ELMO1: variants seen among roughly 807,000 people sequenced by gnomAD.
ELMO1 encodes engulfment and cell motility protein 1.
A neutral mutation model predicts 98.9 loss-of-function variants in ELMO1; 26 were observed. The observed-to-expected ratio is 0.26, with a 90% CI of 0.19 to 0.36. ELMO1 has a LOEUF of 0.36. Among genes scored for constraint, ELMO1 ranks in the 10% least tolerant of loss-of-function variants. ELMO1 has a pLI of 1.00. For missense variants in ELMO1, 627 were observed against 935.2 expected, an observed-to-expected ratio of 0.67 and a Z score of 4.30; for synonymous variants, 346 against 346.0, an observed-to-expected ratio of 1.00 and a Z score of 0.00.
chr7:37,134,805 TCAGAAA>T (rs1483244848), intron 13 of ELMO1, among the ~76,000 whole-genome samples: 3 of 152,172 alleles, frequency 2.0e-5, no homozygotes, highest in Non-Finnish European at 4.4e-5. Context: ...GTGACATAAC[TCAGAAA>T]CAGAAAGTCA....
intron 4 of ELMO1, among the ~76,000 whole-genome samples, chr7:37,281,024 T>TAC (rs200401961): frequency 0.01 from 1,532 of 150,100 alleles, 33 homozygotes; most frequent in African/African-American, 0.036. Flanking sequence ...TATATATATA[T>TAC]ACACACACAT....
intron 16 of ELMO1, among the ~76,000 whole-genome samples, chr7:36,929,400 C>T (rs117960079): frequency 0.046 from 7,076 of 152,262 alleles, 260 homozygotes; most frequent in South Asian, 0.13. Context: ...TTGGTAAATA[C>T]ACATCAAGGC....
At chr7:37,439,947 C>T (rs573113027) in intron 1 of ELMO1, among the ~76,000 whole-genome samples, 39 of 152,192 alleles carry the variant, frequency 2.6e-4, no homozygotes, top group African/African-American at 8.7e-4. Context: ...TGTTTCTTTG[C>T]TTCTAAAGGC....
At position 37,278,182 on chromosome 7, in the gene ELMO1, G is replaced by A. The variant is rs551615139; in HGVS notation, c.193-6300C>T. ...GGTACTGGGTGGCCCTTTTTGATGT[G>A]TTAACTTCACTAGGCTACAGTTTCC... is the stretch of plus-strand genomic sequence containing the variant. On this transcript the variant is annotated intron_variant, in intron 4 of 21. Transcript: ENST00000310758. Among the ~76,000 whole-genome samples, 16 of 117,506 alleles carry A rather than the reference G, an allele frequency of 1.4e-4. No individual in the cohort carries two copies. In the Middle Eastern group the frequency reaches 0.019, roughly 139 times the overall value. 77.1% of individuals were successfully genotyped at this position (117,506 alleles called of 152,430 possible). A position where few individuals can be genotyped will look rare whatever the true frequency, so the allele number is the denominator to read the frequency against.
At chr7:37,364,541 T>C (rs1801822477) in intron 1 of ELMO1, among the ~76,000 whole-genome samples, 1 of 152,064 alleles carries the variant, frequency 6.6e-6, no homozygotes, top group Non-Finnish European at 1.5e-5. Flanking sequence ...AAATAACTTG[T>C]AGGTTCTAGA....
At chr7:37,348,939 C>A (rs911520372) in intron 1 of ELMO1, among the ~76,000 whole-genome samples, 2 of 152,162 alleles carry the variant, frequency 1.3e-5, no homozygotes, top group Non-Finnish European at 2.9e-5. Context: ...TTTTAATGCT[C>A]TTTGTAGTCT....
At chr7:37,222,826 A>C (rs1184918349) in intron 9 of ELMO1, 133 bp from the exon 10 acceptor site, 1 of 720,374 alleles carries the variant, frequency 1.4e-6, no homozygotes, top group East Asian at 2.7e-5. Context: ...CAGGGCCTAG[A>C]AAATGCATTT....
intron 16 of ELMO1, among the ~76,000 whole-genome samples, chr7:36,953,737 G>T (rs560750852): frequency 6.6e-6 from 1 of 152,038 alleles, no homozygotes; most frequent in Admixed American, 6.6e-5. Flanking sequence ...AATCCATTGA[G>T]AATCTGGCAA....
At chr7:37,269,997 TG>T (rs1290167420) in intron 5 of ELMO1, 2 of 152,188 alleles carry the variant, frequency 1.3e-5, no homozygotes, top group African/African-American at 4.8e-5. Context: ...ACTCCTTCTT[TG>T]GCTTAGAGAA....
intron 1 of ELMO1, among the ~76,000 whole-genome samples, chr7:37,443,652 T>C (rs1805501322): frequency 6.6e-6 from 1 of 152,236 alleles, no homozygotes; most frequent in South Asian, 2.1e-4. Flanking sequence ...AATCATGATA[T>C]GGCTTTGCAG....
intron 13 of ELMO1, among the ~76,000 whole-genome samples, chr7:37,136,658 CCAAA>C (rs1787282041): frequency 6.6e-6 from 1 of 152,072 alleles, no homozygotes; most frequent in Admixed American, 6.6e-5. Context: ...ACAGTCTTTT[CCAAA>C]CAAACAAATG....
chr7:37,046,409 C>A (rs959541758), intron 15 of ELMO1, among the ~76,000 whole-genome samples: 2 of 152,196 alleles, frequency 1.3e-5, no homozygotes, highest in African/African-American at 4.8e-5. Context: ...AAAGCCCAGG[C>A]CTCTGCCCAG....
intron 16 of ELMO1, among the ~76,000 whole-genome samples, chr7:36,903,807 C>G (rs1783763452): frequency 6.6e-6 from 1 of 152,254 alleles, no homozygotes; most frequent in South Asian, 2.1e-4. Flanking sequence ...AACCAAAGAG[C>G]TGAGTCCTCC....
chr7:37,193,752 G>A (rs1037607128), intron 13 of ELMO1, among the ~76,000 whole-genome samples: 9 of 152,126 alleles, frequency 5.9e-5, no homozygotes, highest in South Asian at 4.1e-4. Context: ...GAGTCCCTGC[G>A]TGGCGGGCCA....
intron 15 of ELMO1, among the ~76,000 whole-genome samples, chr7:37,075,401 C>T (rs547874548): frequency 4.0e-5 from 6 of 151,628 alleles, no homozygotes; most frequent in East Asian, 1.9e-4. Context: ...GTGATCCACC[C>T]GCCTCAGCCT....
chr7:37,304,630 C>T (rs937504755), intron 4 of ELMO1, among the ~76,000 whole-genome samples: 9 of 152,118 alleles, frequency 5.9e-5, no homozygotes, highest in South Asian at 2.1e-4. Context: ...GCAGGAGAAT[C>T]GCTTGAACCC....
intron 13 of ELMO1, among the ~76,000 whole-genome samples, chr7:37,175,373 T>C (rs960392258): frequency 6.6e-6 from 1 of 152,198 alleles, no homozygotes; most frequent in African/African-American, 2.4e-5. Context: ...GGCATGCCAA[T>C]AGTAACACAT....
At chr7:37,106,759 ACT>A (rs1249847715) in intron 14 of ELMO1, among the ~76,000 whole-genome samples, 2 of 152,056 alleles carry the variant, frequency 1.3e-5, no homozygotes, top group African/African-American at 4.8e-5. Context: ...TCTACTGCAT[ACT>A]CTTTAATGCA....
chr7:37,192,193 G>GT (rs1463838470), intron 13 of ELMO1, among the ~76,000 whole-genome samples: 2 of 151,988 alleles, frequency 1.3e-5, no homozygotes, highest in Non-Finnish European at 2.9e-5. Flanking sequence ...ATAAATACTG[G>GT]TAAAAAGTGG....
Sources: gnomAD v4.1 joint callset for allele counts (sites outside exome capture counted in the v4.1 genomes callset) on GRCh38, gnomAD v4.1.1 for gene constraint, MANE v1.5 for transcripts, NCBI Gene and HGNC (gene_info 2026-07-23, HGNC 2026-07-21) for gene names.